Variants in MBD5 observed in about 807,000 individuals in gnomAD.
The protein encoded by MBD5 is methyl-CpG-binding domain protein 5.
In MBD5, 13 loss-of-function variants were observed where a neutral mutation model predicts 117.3. The observed-to-expected ratio is 0.11, with a 90% confidence interval of 0.07 to 0.18. The LOEUF is 0.18. MBD5 is among the 10% of genes least tolerant of loss of function. The pLI is 1.00. For synonymous variants in MBD5, 727 were observed against 766.4 expected, an observed-to-expected ratio of 0.95 and a Z score of 0.85; for missense variants, 1,879 against 2,093.8, an observed-to-expected ratio of 0.90 and a Z score of 2.00.
intron 4 of MBD5, among the ~76,000 whole-genome samples, chr2:148,391,371 A>G (rs946620917): frequency 6.6e-6 from 1 of 152,154 alleles, no homozygotes; most frequent in Admixed American, 6.5e-5. Context: ...TTGCAGCTAT[A>G]TTTTTGACAT....
intron 1 of MBD5, among the ~76,000 whole-genome samples, chr2:148,153,983 G>C (rs1350994135): frequency 5.6e-5 from 7 of 124,956 alleles, no homozygotes; most frequent in African/African-American, 2.1e-4. Flanking sequence ...TTGCTGGTGA[G>C]GAACTGCGTT....
At chr2:148,435,282 T>C (rs1706121351) in intron 4 of MBD5, among the ~76,000 whole-genome samples, 1 of 152,146 alleles carries the variant, frequency 6.6e-6, no homozygotes, top group Non-Finnish European at 1.5e-5. Context: ...GGATCAAATC[T>C]GTACATATCA....
At chr2:148,462,753 A>C (rs1193660899) in intron 6 of MBD5, 69 bp downstream of exon 6, 1 of 1,032,498 alleles carries the variant, frequency 9.7e-7, no homozygotes, top group East Asian at 2.4e-5. Context: ...TGTTTTTCTC[A>C]TTTGGAATTT....
intron 3 of MBD5, among the ~76,000 whole-genome samples, chr2:148,247,152 T>C (rs1020658150): frequency 6.6e-6 from 1 of 152,206 alleles, no homozygotes; most frequent in Admixed American, 6.5e-5. Flanking sequence ...CTAATTCTTT[T>C]CCTGTCTCTA....
chr2:148,247,881 T>A (rs1361738900), intron 3 of MBD5, among the ~76,000 whole-genome samples: 11 of 152,166 alleles, frequency 7.2e-5, no homozygotes, highest in Admixed American at 7.2e-4. Context: ...ATGGTGAAGT[T>A]AGGTACCCTG....
intron 1 of MBD5, chr2:148,028,242 T>G (rs906101592): frequency 1.3e-5 from 2 of 152,092 alleles, no homozygotes; most frequent in South Asian, 2.1e-4. Flanking sequence ...ATATGAGTTA[T>G]GTAAATCAGT....
At chr2:148,098,907 T>C (rs980073246) in intron 1 of MBD5, among the ~76,000 whole-genome samples, 5 of 151,678 alleles carry the variant, frequency 3.3e-5, no homozygotes, top group African/African-American at 1.2e-4. Flanking sequence ...AAATAAAAAT[T>C]AGCCAGGCGT....
In MBD5 at chr2:148,338,997, G is replaced by A. The variant is rs997619664; in HGVS notation, c.-679-3217G>A. Reference sequence around the variant, plus strand: ...AGTGAGGACTTTTGAGCAGGCACTCGTGACAACGTGGAGAGAAGCTAAAGT... The same window carrying A: ...AGTGAGGACTTTTGAGCAGGCACTCATGACAACGTGGAGAGAAGCTAAAGT... On this transcript the variant is annotated intron_variant, in intron 3 of 13. Coordinates refer to ENST00000642680, the MANE Select transcript of MBD5 (RefSeq NM_001378120.1). Among the ~76,000 whole-genome samples the A allele has an allele frequency of 7.2e-5, 11 of 152,254 alleles. No homozygotes were observed. In the East Asian group the frequency reaches 9.7e-4, roughly 13 times the overall value.
At chr2:148,424,510 A>C (rs2105291547) in intron 4 of MBD5, among the ~76,000 whole-genome samples, 1 of 152,144 alleles carries the variant, frequency 6.6e-6, no homozygotes, top group Admixed American at 6.6e-5. Flanking sequence ...TCAGGACTTG[A>C]ACTCAGCTCT....
At chr2:148,139,673 A>G (rs996798743) in intron 1 of MBD5, among the ~76,000 whole-genome samples, 3 of 152,198 alleles carry the variant, frequency 2.0e-5, no homozygotes, top group African/African-American at 7.2e-5. Context: ...CAAAAAGTAC[A>G]GAACCTATCA....
intron 3 of MBD5, among the ~76,000 whole-genome samples, chr2:148,286,296 A>G (rs1701367679): frequency 6.6e-6 from 1 of 152,072 alleles, no homozygotes; most frequent in Admixed American, 6.5e-5. Flanking sequence ...TTCATGTGTC[A>G]TTTGACTTTT....
intron 1 of MBD5, chr2:148,071,215 A>G (rs1695344292): frequency 6.6e-6 from 1 of 152,064 alleles, no homozygotes; most frequent in African/African-American, 2.4e-5. Flanking sequence ...CATTTTGTTC[A>G]AAGTCAAAAA....
intron 4 of MBD5, among the ~76,000 whole-genome samples, chr2:148,405,541 A>T (rs1206484313): frequency 2.0e-5 from 3 of 152,118 alleles, no homozygotes; most frequent in Non-Finnish European, 4.4e-5. Flanking sequence ...GAACAGAAAG[A>T]ACAGGATGAC....
chr2:148,043,452 C>CAAAT (rs137863555), intron 1 of MBD5, among the ~76,000 whole-genome samples: 17,925 of 142,776 alleles, frequency 0.13, 1,386 homozygotes, highest in Middle Eastern at 0.18. Context: ...GACTCCTTCT[C>CAAAT]AAATAAATAA....
intron 1 of MBD5, among the ~76,000 whole-genome samples, chr2:148,045,729 G>A (rs1449285829): frequency 1.3e-5 from 2 of 152,054 alleles, no homozygotes; most frequent in Non-Finnish European, 2.9e-5. Flanking sequence ...CAAGATAAAA[G>A]GCAGATAGAC....
intron 1 of MBD5, among the ~76,000 whole-genome samples, chr2:148,176,360 A>T (rs1311820766): frequency 1.7e-5 from 2 of 114,474 alleles, no homozygotes; most frequent in Admixed American, 9.4e-5. Context: ...GTATGAATAT[A>T]TTTTTATTGC....
At chr2:148,130,258 G>A (rs1697005135) in intron 1 of MBD5, among the ~76,000 whole-genome samples, 1 of 152,030 alleles carries the variant, frequency 6.6e-6, no homozygotes, top group Non-Finnish European at 1.5e-5. Flanking sequence ...TCTCCTGACA[G>A]CGCTCAATTT....
At chr2:148,385,178 C>A (rs1259294291) in intron 4 of MBD5, among the ~76,000 whole-genome samples, 1 of 152,088 alleles carries the variant, frequency 6.6e-6, no homozygotes, top group East Asian at 1.9e-4. Flanking sequence ...GAACAGGCAA[C>A]CTACAGAATG....
chr2:148,346,396 T>G (rs1411570254), intron 4 of MBD5: 2 of 151,940 alleles, frequency 1.3e-5, no homozygotes, highest in Non-Finnish European at 2.9e-5. Context: ...AATCGGTAGA[T>G]CAAATAGTAA....
Sources: gnomAD v4.1 joint callset for allele counts (sites outside exome capture counted in the v4.1 genomes callset) on GRCh38, gnomAD v4.1.1 for gene constraint, MANE v1.5 for transcripts, NCBI Gene and HGNC (gene_info 2026-07-23, HGNC 2026-07-21) for gene names.